HMCN1: variants seen among roughly 807,000 people sequenced by gnomAD.
The protein encoded by HMCN1 is hemicentin-1.
HMCN1 carries 321 observed loss-of-function variants against 625.9 expected under a neutral mutation model. The ratio of observed to expected loss-of-function variants is 0.51; its 90% confidence interval spans 0.47 to 0.56. HMCN1 has a LOEUF of 0.56. Ranked by LOEUF, HMCN1 falls within the 20% of genes least tolerant of loss-of-function variation. The pLI, the probability that HMCN1 is intolerant of heterozygous loss-of-function variation, is 0.00. For missense variants in HMCN1, 6,588 were observed against 6,887.3 expected (o/e 0.96, Z 1.54); for synonymous variants, 2,425 against 2,417.6 (o/e 1.00, Z -0.09).
At chr1:185,778,883 AT>A (rs1656829441) in intron 1 of HMCN1, among the ~76,000 whole-genome samples, 1 of 152,176 alleles carries the variant, frequency 6.6e-6, no homozygotes, top group South Asian at 2.1e-4. Flanking sequence ...GCTGGGTCAA[AT>A]GGTATTTCTA....
intron 25 of HMCN1, among the ~76,000 whole-genome samples, chr1:185,999,057 T>C (rs1558130011): frequency 6.6e-6 from 1 of 152,044 alleles, no homozygotes. Context: ...ACTTTCATAG[T>C]CACTGTTTAA....
intron 1 of HMCN1, among the ~76,000 whole-genome samples, chr1:185,825,110 T>C (rs1355283799): frequency 1.3e-5 from 2 of 152,132 alleles, no homozygotes; most frequent in Admixed American, 6.5e-5. Context: ...TAAATACTTA[T>C]TGAACATCTA....
chr1:186,144,845 G>A (rs989151762), intron 91 of HMCN1, 142 bp downstream of exon 91: 5 of 978,776 alleles, frequency 5.1e-6, no homozygotes, highest in African/African-American at 3.2e-5. Flanking sequence ...TTGCTGTCAT[G>A]TCTGTATAAT....
At chr1:186,166,345 G>T in intron 99 of HMCN1, 42 bp downstream of exon 99, 1 of 1,611,418 alleles carries the variant, frequency 6.2e-7, no homozygotes, top group Non-Finnish European at 8.5e-7. Flanking sequence ...AATGGGTCAA[G>T]GATTTCTTTG....
At chr1:185,838,084 C>T (rs1289249873) in intron 1 of HMCN1, among the ~76,000 whole-genome samples, 4 of 152,150 alleles carry the variant, frequency 2.6e-5, no homozygotes, top group African/African-American at 4.8e-5. Flanking sequence ...TACAGACCCA[C>T]GTGGGCATCA....
At position 186,152,836 on chromosome 1, in the gene HMCN1, C is replaced by G. The variant is rs367731454; in HGVS notation, c.14983C>G (p.Leu4995Val). The change falls in exon 96 of 107, where the codon CTA (leucine) becomes GTA (valine). Residue 4995 changes from leucine (L) to valine (V), a missense_variant. Around this residue, in one of 3 missense-constraint regions of HMCN1, gnomAD observed 1,954 missense variants for 2,013.1 expected, o/e 0.97. Coordinates refer to ENST00000271588, the MANE Select transcript of HMCN1 (RefSeq NM_031935.3). ...LLDIVVSGYV[L>V]QLQSPAEVTV... ...AGATATCGTTGTGAGTGGCTATGTC[C>G]TACAGCTTCAGTCACCTGCTGAAGT... 1.9e-6 allele frequency: 3 copies of G among 1,613,972 alleles called. No homozygotes were observed. The highest frequency in any genetic ancestry group is 2.5e-6 in the Non-Finnish European group (3 of 1,179,896).
chr1:185,764,824 A>G (rs1276979482), intron 1 of HMCN1, among the ~76,000 whole-genome samples: 2 of 152,198 alleles, frequency 1.3e-5, no homozygotes, highest in African/African-American at 2.4e-5. Context: ...TTTAATTTTA[A>G]TGAGAACAGA....
At chr1:185,916,659 T>A (rs74134207) in intron 6 of HMCN1, among the ~76,000 whole-genome samples, 2,503 of 152,314 alleles carry the variant, frequency 0.016, 58 homozygotes, top group African/African-American at 0.053. Context: ...ACATTGAAAC[T>A]CTGTTGGAGA....
At chr1:186,032,906 C>G (rs1491000355) in intron 36 of HMCN1, among the ~76,000 whole-genome samples, 1 of 152,088 alleles carries the variant, frequency 6.6e-6, no homozygotes, top group East Asian at 1.9e-4. Context: ...AGGAATCTCA[C>G]TACTGGGTAT....
intron 72 of HMCN1, 67 bp from the exon 73 acceptor site, chr1:186,113,912 T>G: frequency 6.5e-7 from 1 of 1,541,264 alleles, no homozygotes; most frequent in South Asian, 1.1e-5. Flanking sequence ...TATTACATCT[T>G]CAGGGTCTTC....
At chr1:186,129,294 T>A (rs6689111) in intron 83 of HMCN1, among the ~76,000 whole-genome samples, 66,683 of 150,906 alleles carry the variant, frequency 0.44, 15,591 homozygotes, top group East Asian at 0.58. Context: ...TAGTCTTAGT[T>A]GTTTTAGGAT....
At chr1:186,020,831 C>T (rs1654672273) in intron 35 of HMCN1, among the ~76,000 whole-genome samples, 2 of 152,012 alleles carry the variant, frequency 1.3e-5, no homozygotes, top group Admixed American at 1.3e-4. Flanking sequence ...AGAAAGCCAG[C>T]CAGTGGGCTG....
chr1:186,150,629 T>C (rs192162043), intron 93 of HMCN1, among the ~76,000 whole-genome samples: 1 of 152,278 alleles, frequency 6.6e-6, no homozygotes, highest in East Asian at 1.9e-4. Flanking sequence ...AGAAGCTGTT[T>C]TGTTGATGAA....
chr1:186,074,752 C>T lies in HMCN1; in HGVS notation c.8151C>T (p.Ser2717=), dbSNP rs371109396. ...TAATTGAATCACAGCCCCTTAAATC[C>T]GATGATCATGTTAATATTGCTGCGA... ...SWYKDGQPLK[S]DDHVNIAANG... Residue 2717 remains serine, a synonymous_variant, in exon 53 of 107, where the codon TCC becomes TCT. Coordinates refer to ENST00000271588, the MANE Select transcript of HMCN1 (RefSeq NM_031935.3). The T allele has an allele frequency of 3.3e-5, 53 of 1,612,620 alleles. No individual in the cohort carries two copies. Among genetic ancestry groups the T allele is most frequent in the South Asian group, 2.9e-4 (26 of 91,040 alleles).
intron 1 of HMCN1, among the ~76,000 whole-genome samples, chr1:185,817,744 CCTGA>C (rs1318136537): frequency 3.3e-5 from 5 of 151,936 alleles, no homozygotes; most frequent in African/African-American, 1.2e-4. Context: ...CAAGAATGGC[CCTGA>C]CTTTCATTAG....
At chr1:185,928,733 T>G in intron 10 of HMCN1, 66 bp downstream of exon 10, 4 of 1,528,552 alleles carry the variant, frequency 2.6e-6, no homozygotes, top group South Asian at 1.1e-5. Flanking sequence ...GGGATGTTTG[T>G]TAACCAGTTT....
chr1:185,904,843 A>AT lies in HMCN1; in HGVS notation c.622-4486dup, dbSNP rs543543018. The stretch of plus-strand genomic sequence containing the variant: ...CAGGTGTTAGTGTCAATTTTACACA[A>AT]TTTTTTTTCTAGATCAGGCTTCACT... On this transcript the variant is annotated intron_variant, in intron 4 of 106. Coordinates refer to ENST00000271588, the MANE Select transcript of HMCN1 (RefSeq NM_031935.3). 2.0e-4 allele frequency among the ~76,000 whole-genome samples: 31 copies of AT among 151,652 alleles called. No homozygotes were observed. In the South Asian group the frequency reaches 5.8e-3, roughly 28 times the overall value.
At chr1:186,037,151 A>C (rs1169630501) in intron 36 of HMCN1, among the ~76,000 whole-genome samples, 4 of 151,930 alleles carry the variant, frequency 2.6e-5, no homozygotes, top group Non-Finnish European at 5.9e-5. Flanking sequence ...AAATCCTTAA[A>C]ATGTGTTTTT....
chr1:185,913,189 T>C (rs1439823270), intron 6 of HMCN1, among the ~76,000 whole-genome samples: 1 of 152,184 alleles, frequency 6.6e-6, no homozygotes, highest in African/African-American at 2.4e-5. Context: ...TAAAAGGGCA[T>C]AGGTGAAAAG....
Sources: allele counts gnomAD v4.1 joint callset (sites outside exome capture counted in the v4.1 genomes callset), GRCh38; gene constraint gnomAD v4.1.1; regional missense constraint gnomAD v4.1.1; transcripts MANE v1.5; gene names NCBI Gene and HGNC (gene_info 2026-07-23, HGNC 2026-07-21).